The following ATP2B1 variants were observed in gnomAD, a reference collection of about 807,000 sequenced individuals.
The protein encoded by ATP2B1 is plasma membrane calcium-transporting ATPase 1.
A neutral mutation model predicts 124.2 loss-of-function variants in ATP2B1; 14 were observed. The ratio of observed to expected loss-of-function variants is 0.11; its 90% CI spans 0.07 to 0.18. ATP2B1 has a LOEUF of 0.18. Among genes scored for constraint, ATP2B1 ranks in the 10% least tolerant of loss-of-function variants. The pLI is 1.00. For synonymous variants in ATP2B1, 449 were observed against 492.4 expected (o/e 0.91, Z 1.17); for missense variants, 763 against 1,466.1 (o/e 0.52, Z 7.83).
At position 89,591,027 on chromosome 12, in the gene ATP2B1, G is replaced by C. The variant is rs2135833061; in HGVS notation, c.3620C>G (p.Ser1207Ter). The change falls in exon 21 of 21, where the codon TCA becomes TGA. Residue 1207 changes from serine to a stop codon, truncating the protein, a stop_gained. Coordinates refer to ENST00000428670, the MANE Select transcript of ATP2B1 (RefSeq NM_001366521.1). LOFTEE classifies it high-confidence loss of function. ...ACTATGTAGTGGGCTTCCTGGGGAT[G>C]AAGAGGTAGCAGACTTGTTCATTTC... ...TIEMNKSATS[S>*]SPGSPLHSLE... 6.2e-7 allele frequency: 1 copy of C among 1,613,106 alleles called. No individual in the cohort carries two copies. The highest frequency in any genetic ancestry group is 8.5e-7 in the Non-Finnish European group (1 of 1,179,266).
At chr12:89,677,018 A>C (rs1888691623) in intron 1 of ATP2B1, among the ~76,000 whole-genome samples, 2 of 129,002 alleles carry the variant, frequency 1.6e-5, no homozygotes, top group Admixed American at 1.8e-4. Flanking sequence ...AATAAACACC[A>C]CCACCACCAC....
In ATP2B1 at chr12:89,627,687, G is replaced by A. The variant is rs868096531; in HGVS notation, c.958C>T (p.Arg320Cys). The A allele has an allele frequency of 1.9e-6, 3 of 1,613,626 alleles. No homozygotes were observed. Among genetic ancestry groups the A allele is most frequent in the Admixed American group, 1.7e-5 (1 of 59,970 alleles). ...NKKQDGAIENRNKAKAQDGAA... is the reference protein window; with the variant it reads ...NKKQDGAIENCNKAKAQDGAA... ...GTCCTCCTAAATTTACCTTTGTTGC[G>A]ATTCTCAATAGCTCCATCTTGTTTC... The change falls in exon 7 of 21, where the codon CGC (arginine) becomes TGC (cysteine). Residue 320 changes from arginine (R) to cysteine (C), a missense_variant. By Grantham distance (180) the Arg-to-Cys change is radical (BLOSUM62 -3). Transcript: ENST00000428670.
At chr12:89,641,269 C>T (rs1343518156) in intron 3 of ATP2B1, among the ~76,000 whole-genome samples, 3 of 152,040 alleles carry the variant, frequency 2.0e-5, no homozygotes, top group Non-Finnish European at 2.9e-5. Flanking sequence ...GAGAAAAAAA[C>T]ATTTGTAGCC....
chr12:89,647,795 T>C (rs1884697355), intron 2 of ATP2B1, among the ~76,000 whole-genome samples: 1 of 152,170 alleles, frequency 6.6e-6, no homozygotes, highest in Non-Finnish European at 1.5e-5. Flanking sequence ...GGGCGAATCC[T>C]TCATGAATGG....
intron 1 of ATP2B1, among the ~76,000 whole-genome samples, chr12:89,673,223 T>G (rs898388710): frequency 5.3e-5 from 8 of 152,236 alleles, no homozygotes; most frequent in African/African-American, 1.9e-4. Flanking sequence ...ATACTTTTCA[T>G]AGCCTTGCAT....
intron 12 of ATP2B1, among the ~76,000 whole-genome samples, chr12:89,616,515 T>C (rs959582874): frequency 6.6e-6 from 1 of 152,152 alleles, no homozygotes; most frequent in Non-Finnish European, 1.5e-5. Flanking sequence ...ATGGCACCTA[T>C]TATTTAATTT....
intron 1 of ATP2B1, among the ~76,000 whole-genome samples, chr12:89,689,569 G>A (rs1456460690): frequency 6.6e-6 from 1 of 152,082 alleles, no homozygotes; most frequent in Non-Finnish European, 1.5e-5. Flanking sequence ...TCATGCCTCT[G>A]AGAGGGAATT....
intron 2 of ATP2B1, among the ~76,000 whole-genome samples, chr12:89,652,722 T>C (rs1395335460): frequency 6.6e-6 from 1 of 151,550 alleles, no homozygotes; most frequent in Non-Finnish European, 1.5e-5. Context: ...AATAACATTC[T>C]TGTGAAGGCT....
At chr12:89,679,768 A>G (rs1214854232) in intron 1 of ATP2B1, among the ~76,000 whole-genome samples, 1 of 152,212 alleles carries the variant, frequency 6.6e-6, no homozygotes, top group Non-Finnish European at 1.5e-5. Flanking sequence ...AAAATCACCC[A>G]TAGAAAAGAA....
chr12:89,695,058 C>CAAAAA lies in ATP2B1; in HGVS notation c.-222+13533_-222+13537dup, dbSNP rs544087541. 4.0e-4 allele frequency among the ~76,000 whole-genome samples: 44 copies of CAAAAA among 111,194 alleles called. 7 individuals are homozygous for CAAAAA. The highest frequency in any genetic ancestry group is 4.9e-3 in the Middle Eastern group (1 of 204). The allele number at this position is 111,194 out of a possible 152,430, so 72.9% of individuals were successfully genotyped here. On this transcript the variant is annotated intron_variant, in intron 1 of 20. Coordinates refer to ENST00000428670, the MANE Select transcript of ATP2B1 (RefSeq NM_001366521.1). Reference sequence around the variant, plus strand: ...GGGCGACAAGAGCAAGATGCTGTTTCAAAAAAAAAAAAAGAAAAGAATTAT... The same window carrying CAAAAA: ...GGGCGACAAGAGCAAGATGCTGTTTCAAAAAAAAAAAAAAAAAAGAAAAGAATTAT...
At chr12:89,606,401 T>C (rs540681709) in intron 15 of ATP2B1, among the ~76,000 whole-genome samples, 1 of 152,248 alleles carries the variant, frequency 6.6e-6, no homozygotes, top group Admixed American at 6.5e-5. Flanking sequence ...GCAGGGAACT[T>C]GCTATTAAGT....
chr12:89,666,682 T>C (rs1887351904), intron 1 of ATP2B1, among the ~76,000 whole-genome samples: 1 of 152,210 alleles, frequency 6.6e-6, no homozygotes, highest in African/African-American at 2.4e-5. Flanking sequence ...GCAATGTTGG[T>C]AAAAGTTTAA....
At chr12:89,651,211 G>C (rs1279278942) in intron 2 of ATP2B1, among the ~76,000 whole-genome samples, 2 of 152,174 alleles carry the variant, frequency 1.3e-5, no homozygotes, top group Admixed American at 6.5e-5. Context: ...CATATTGTTA[G>C]AAAACAAGTG....
intron 3 of ATP2B1, among the ~76,000 whole-genome samples, chr12:89,641,373 G>A (rs551555136): frequency 1.3e-5 from 2 of 152,114 alleles, no homozygotes; most frequent in African/African-American, 4.8e-5. Context: ...AAATGCTTGG[G>A]GCCAAAAATG....
chr12:89,690,579 T>G, intron 1 of ATP2B1, among the ~76,000 whole-genome samples: 1 of 151,700 alleles, frequency 6.6e-6, no homozygotes, highest in East Asian at 1.9e-4. Flanking sequence ...TTTGCTTTTT[T>G]TAAAAAAAAA....
At chr12:89,689,571 G>C (rs914742119) in intron 1 of ATP2B1, among the ~76,000 whole-genome samples, 1 of 152,020 alleles carries the variant, frequency 6.6e-6, no homozygotes, top group African/African-American at 2.4e-5. Flanking sequence ...ATGCCTCTGA[G>C]AGGGAATTTA....
chr12:89,626,526 T>A lies in ATP2B1; in HGVS notation c.1057A>T (p.Asn353Tyr). The A allele has an allele frequency of 4.3e-6, 7 of 1,613,810 alleles. No individual in the cohort carries two copies. Among genetic ancestry groups the A allele is most frequent in the Non-Finnish European group, 5.9e-6 (7 of 1,179,902 alleles). ...DGDEKDKKKANLPKKEKSVLQ... is the reference protein window; with the variant it reads ...DGDEKDKKKAYLPKKEKSVLQ... Reference sequence around the variant, plus strand: ...ACAGATTTTTCCTTTTTTGGCAAATTTGCTTTCTTTTTATCTTTTTCATCA... The same window carrying A: ...ACAGATTTTTCCTTTTTTGGCAAATATGCTTTCTTTTTATCTTTTTCATCA... Residue 353 changes from asparagine to tyrosine, a missense_variant, in exon 8 of 21, where the codon AAT becomes TAT. This residue lies in a region of ATP2B1 where 392 missense variants were observed against 776.6 expected (regional missense o/e 0.50). Transcript: ENST00000428670.
At chr12:89,605,251 C>T (rs756742447) in intron 15 of ATP2B1, among the ~76,000 whole-genome samples, 3 of 152,130 alleles carry the variant, frequency 2.0e-5, no homozygotes, top group Non-Finnish European at 2.9e-5. Flanking sequence ...CTTAACCTCA[C>T]GAACCTTGCC....
Position 89,590,874 on chromosome 12 carries a change from G to T in ATP2B1, c.*110C>A. 2 of 1,062,968 alleles carry T rather than the reference G, an allele frequency of 1.9e-6. No homozygotes were observed. The highest frequency in any genetic ancestry group is 2.7e-6 in the Non-Finnish European group (2 of 734,764). 65.8% of individuals were successfully genotyped at this position (1,062,968 alleles called of 1,614,324 possible). Reference sequence around the variant, plus strand: ...CTACATTCGTACAAGTGTGTCTTCTGTTGAAGTCCAAAGACAAGAATACTA... The same window carrying T: ...CTACATTCGTACAAGTGTGTCTTCTTTTGAAGTCCAAAGACAAGAATACTA... On this transcript the variant is annotated 3_prime_UTR_variant, in exon 21 of 21. Coordinates refer to ENST00000428670, the MANE Select transcript of ATP2B1 (RefSeq NM_001366521.1).
Sources: gnomAD v4.1 joint callset for allele counts (sites outside exome capture counted in the v4.1 genomes callset) on GRCh38, gnomAD v4.1.1 for gene constraint, gnomAD v4.1.1 regional missense constraint, MANE v1.5 for transcripts, NCBI Gene and HGNC (gene_info 2026-07-23, HGNC 2026-07-21) for gene names.